The following FHIT variants were observed in gnomAD, a reference collection of about 807,000 sequenced individuals.
FHIT encodes fragile histidine triad diadenosine triphosphatase.
Under a neutral mutation model 17.9 loss-of-function variants are expected in FHIT, and 19 were observed. The observed-to-expected ratio is 1.06, with a 90% CI of 0.74 to 1.56. The LOEUF is 1.56. FHIT is among the 40% of genes most tolerant of loss of function. The pLI is 0.00. For missense variants in FHIT, 248 were observed against 189.2 expected (o/e 1.31, Z -1.82); for synonymous variants, 81 against 69.7 (o/e 1.16, Z -0.81).
intron 4 of FHIT, among the ~76,000 whole-genome samples, chr3:60,752,450 C>A (rs1054833091): frequency 1.3e-5 from 2 of 152,164 alleles, no homozygotes; most frequent in African/African-American, 4.8e-5. Context: ...GGAGTGGAAA[C>A]TGGAAGGCGA....
At chr3:60,084,034 G>C (rs1368161146) in intron 5 of FHIT, among the ~76,000 whole-genome samples, 1 of 130,796 alleles carries the variant, frequency 7.6e-6, no homozygotes, top group African/African-American at 3.0e-5. Context: ...TATTAAGTGG[G>C]GAAAAAATCA....
chr3:60,402,264 C>T (rs181643816), intron 5 of FHIT, among the ~76,000 whole-genome samples: 3 of 152,290 alleles, frequency 2.0e-5, no homozygotes. Context: ...CTAAGAATAA[C>T]ATGCAGTCAG....
chr3:61,023,271 G>A (rs2032552142), intron 3 of FHIT, among the ~76,000 whole-genome samples: 1 of 152,042 alleles, frequency 6.6e-6, no homozygotes, highest in African/African-American at 2.4e-5. Context: ...AAATACCCAG[G>A]AATACAACTT....
intron 5 of FHIT, among the ~76,000 whole-genome samples, chr3:60,338,993 G>A (rs1158676886): frequency 6.6e-6 from 1 of 152,102 alleles, no homozygotes; most frequent in Non-Finnish European, 1.5e-5. Flanking sequence ...GTGTAAAGGA[G>A]GGGACCCACA....
At chr3:60,274,776 G>C (rs1358986480) in intron 5 of FHIT, among the ~76,000 whole-genome samples, 1 of 152,150 alleles carries the variant, frequency 6.6e-6, no homozygotes, top group Non-Finnish European at 1.5e-5. Context: ...CATGGCCTTA[G>C]TAGCCAGACA....
intron 5 of FHIT, among the ~76,000 whole-genome samples, chr3:60,346,325 A>T (rs1710777008): frequency 6.6e-6 from 1 of 152,214 alleles, no homozygotes; most frequent in South Asian, 2.1e-4. Context: ...GTTTTCACTG[A>T]TCTGAAGTCA....
intron 4 of FHIT, among the ~76,000 whole-genome samples, chr3:60,634,950 C>T (rs1274094617): frequency 6.6e-6 from 1 of 152,200 alleles, no homozygotes; most frequent in Non-Finnish European, 1.5e-5. Flanking sequence ...CAACCCACAA[C>T]AGCCTCAAAC....
intron 5 of FHIT, among the ~76,000 whole-genome samples, chr3:60,155,930 A>G (rs954685028): frequency 2.0e-5 from 3 of 152,228 alleles, no homozygotes; most frequent in South Asian, 2.1e-4. Flanking sequence ...TAAAGCGTGC[A>G]AAAGCCACAC....
chr3:60,800,427 T>A (rs1701147289), intron 4 of FHIT, among the ~76,000 whole-genome samples: 2 of 152,128 alleles, frequency 1.3e-5, no homozygotes, highest in South Asian at 4.1e-4. Context: ...ATTGATATCA[T>A]TGGCAGCCTT....
intron 7 of FHIT, among the ~76,000 whole-genome samples, chr3:59,928,683 T>C (rs755557148): frequency 2.6e-5 from 4 of 152,084 alleles, no homozygotes; most frequent in Non-Finnish European, 2.9e-5. Flanking sequence ...ACTTAACACA[T>C]ACTAGGGCAA....
chr3:61,006,714 TAA>T (rs1306607897), intron 3 of FHIT, among the ~76,000 whole-genome samples: 1 of 151,978 alleles, frequency 6.6e-6, no homozygotes, highest in African/African-American at 2.4e-5. Flanking sequence ...TACAAACCCT[TAA>T]GTTTGCTGAA....
At chr3:60,523,909 A>G (rs1277604620) in intron 5 of FHIT, among the ~76,000 whole-genome samples, 1 of 152,222 alleles carries the variant, frequency 6.6e-6, no homozygotes, top group African/African-American at 2.4e-5. Context: ...TGTGTTAGGT[A>G]CATAGAAATC....
intron 4 of FHIT, among the ~76,000 whole-genome samples, chr3:60,647,018 A>G (rs78815092): frequency 0.01 from 1,561 of 152,354 alleles, 32 homozygotes; most frequent in African/African-American, 0.035. Context: ...ATACAGCAAG[A>G]GAGCTCTTCG....
At chr3:60,968,658 G>C (rs767539370) in intron 3 of FHIT, among the ~76,000 whole-genome samples, 1 of 152,102 alleles carries the variant, frequency 6.6e-6, no homozygotes, top group Non-Finnish European at 1.5e-5. Flanking sequence ...TGATCCACCC[G>C]CCTTGGCCTC....
At chr3:59,957,919 T>G (rs1355156249) in intron 7 of FHIT, among the ~76,000 whole-genome samples, 2 of 152,248 alleles carry the variant, frequency 1.3e-5, no homozygotes, top group Admixed American at 6.5e-5. Context: ...ATGAGAATAT[T>G]AGATTAATAC....
intron 5 of FHIT, among the ~76,000 whole-genome samples, chr3:60,344,505 G>A (rs2106914535): frequency 6.6e-6 from 1 of 152,236 alleles, no homozygotes; most frequent in East Asian, 1.9e-4. Context: ...CATTCCATGA[G>A]CCCATATCTT....
chr3:60,151,858 C>G (rs957300015), intron 5 of FHIT, among the ~76,000 whole-genome samples: 1 of 152,178 alleles, frequency 6.6e-6, no homozygotes, highest in Non-Finnish European at 1.5e-5. Flanking sequence ...CTAATACTCA[C>G]TATCCCCTTA....
intron 4 of FHIT, among the ~76,000 whole-genome samples, chr3:60,745,173 A>T (rs2042331635): frequency 6.6e-6 from 1 of 152,244 alleles, no homozygotes; most frequent in African/African-American, 2.4e-5. Context: ...TGAAAGGTGT[A>T]TAAGAAGTAT....
At chr3:61,155,643 T>A (rs1484761928) in intron 2 of FHIT, among the ~76,000 whole-genome samples, 1 of 152,332 alleles carries the variant, frequency 6.6e-6, no homozygotes, top group Non-Finnish European at 1.5e-5. Context: ...GACAGCATGC[T>A]ACTTCATTCC....
Sources: gnomAD v4.1 joint callset for allele counts (sites outside exome capture counted in the v4.1 genomes callset) on GRCh38, gnomAD v4.1.1 for gene constraint, MANE v1.5 for transcripts, NCBI Gene and HGNC (gene_info 2026-07-23, HGNC 2026-07-21) for gene names.